The following CFAP91 variants were observed in gnomAD, a reference collection of about 807,000 sequenced individuals.
The protein encoded by CFAP91 is cilia and flagella associated protein 91.
CFAP91 carries 85 observed loss-of-function variants against 95.9 expected under a neutral mutation model. That is an observed-to-expected ratio of 0.89 (90% confidence interval 0.74 to 1.06). The LOEUF (loss-of-function observed/expected upper bound fraction) is 1.06. CFAP91 is among the 50% of genes least tolerant of loss of function. CFAP91 has a pLI of 0.00. For synonymous variants in CFAP91, 335 were observed against 327.5 expected (o/e 1.02, Z -0.25); for missense variants, 962 against 943.4 (o/e 1.02, Z -0.26).
rs764498790 is a variant in CFAP91, at chr3:119,737,450, C to T, written c.1429C>T (p.Leu477Phe). ...LQRNPIPQPRLPTPTLEMTSN... is the reference protein window; with the variant it reads ...LQRNPIPQPRFPTPTLEMTSN... ...AAGAAACCCAATACCTCAACCTCGG[C>T]TTCCAACTCCAACCTTGGAAATGAC... The change falls in exon 11 of 18, where the codon CTT becomes TTT. Residue 477 changes from leucine to phenylalanine, a missense_variant. Coordinates refer to ENST00000273390, the MANE Select transcript of CFAP91 (RefSeq NM_033364.4). 3 of 1,609,306 alleles carry T rather than the reference C, an allele frequency of 1.9e-6. No homozygotes were observed. The highest frequency in any genetic ancestry group is 1.7e-5 in the Admixed American group (1 of 59,126).
chr3:119,755,832 C>T (rs1282057560), intron 17 of CFAP91, among the ~76,000 whole-genome samples: 1 of 151,990 alleles, frequency 6.6e-6, no homozygotes, highest in East Asian at 1.9e-4. Flanking sequence ...AATACAGTAG[C>T]AAAAGTGAGA....
chr3:119,755,124 G>A (rs956063080), intron 17 of CFAP91, among the ~76,000 whole-genome samples: 10 of 152,142 alleles, frequency 6.6e-5, no homozygotes, highest in African/African-American at 2.4e-4. Context: ...CTCAGGACAA[G>A]TCATATCTTG....
intron 17 of CFAP91, among the ~76,000 whole-genome samples, chr3:119,762,242 C>T (rs1461997577): frequency 7.4e-6 from 1 of 135,140 alleles, no homozygotes; most frequent in Non-Finnish European, 1.5e-5. Flanking sequence ...ATAATAGCTA[C>T]AAGGAAAAAA....
At chr3:119,758,151 TCA>T (rs1406849638) in intron 17 of CFAP91, among the ~76,000 whole-genome samples, 2 of 152,314 alleles carry the variant, frequency 1.3e-5, no homozygotes, top group African/African-American at 4.8e-5. Flanking sequence ...TGGTAAAGTT[TCA>T]GTGTGACTTT....
chr3:119,707,402 A>G lies in CFAP91; in HGVS notation c.202-2A>G. The stretch of plus-strand genomic sequence containing the variant: ...TCCTTTGCCTCCCTTCTCTAACATT[A>G]GAGAAAAGTTCCCAGGTTTAAAACC... On this transcript the variant is annotated splice_acceptor_variant, in intron 2 of 17. Coordinates refer to ENST00000273390, the MANE Select transcript of CFAP91 (RefSeq NM_033364.4). LOFTEE classifies it high-confidence loss of function. The G allele has an allele frequency of 6.5e-7, 1 of 1,536,060 alleles. No individual in the cohort carries two copies. Among genetic ancestry groups the G allele is most frequent in the Non-Finnish European group, 8.8e-7 (1 of 1,130,442 alleles).
intron 6 of CFAP91, among the ~76,000 whole-genome samples, chr3:119,719,882 C>CCG (rs2053649064): frequency 6.6e-6 from 1 of 151,540 alleles, no homozygotes; most frequent in Non-Finnish European, 1.5e-5. Context: ...GCAGGCGGAT[C>CCG]ACTTGAGGTG....
intron 8 of CFAP91, 28 bp downstream of exon 8, chr3:119,730,405 CG>C (rs2053873294): frequency 1.2e-5 from 19 of 1,595,406 alleles, no homozygotes; most frequent in Non-Finnish European, 1.5e-5. Flanking sequence ...ACAATGAAGA[CG>C]GTGGAAAAGT....
chr3:119,729,481 C>G (rs1577219255), intron 7 of CFAP91, among the ~76,000 whole-genome samples: 1 of 151,508 alleles, frequency 6.6e-6, no homozygotes, highest in Non-Finnish European at 1.5e-5. Flanking sequence ...CCATCTCTAC[C>G]AAAACTACAA....
At chr3:119,753,891 C>T (rs1312086352) in intron 17 of CFAP91, among the ~76,000 whole-genome samples, 1 of 152,214 alleles carries the variant, frequency 6.6e-6, no homozygotes, top group Non-Finnish European at 1.5e-5. Context: ...TTTAAAATAA[C>T]TATGTTGACT....
chr3:119,718,533 A>G (rs1042280750), intron 6 of CFAP91, among the ~76,000 whole-genome samples: 10 of 152,170 alleles, frequency 6.6e-5, no homozygotes, highest in African/African-American at 2.4e-4. Context: ...CTAAAGAAAG[A>G]CATTAGCCTT....
chr3:119,734,469 T>TTCCCG (rs2053962960), intron 10 of CFAP91, among the ~76,000 whole-genome samples: 1 of 616 alleles, frequency 1.6e-3, no homozygotes, highest in Non-Finnish European at 0.026. Flanking sequence ...GTTACGGAAG[T>TTCCCG]TCTCTTCTTA....
chr3:119,741,487 A>G (rs1160557693), intron 13 of CFAP91, among the ~76,000 whole-genome samples: 1 of 152,228 alleles, frequency 6.6e-6, no homozygotes, highest in East Asian at 1.9e-4. Flanking sequence ...GACTTTCGTC[A>G]TGACCTCCCA....
At position 119,741,876 on chromosome 3, in the gene CFAP91, G is replaced by A. The variant is rs116840513; in HGVS notation, c.1680+1181G>A. ...GTTTGCTGAGCTTGGGGAACTTTTG[G>A]GGGGTGAGGCAGAATGGGGAGGAAG... On this transcript the variant is annotated intron_variant, in intron 13 of 17. Transcript: ENST00000273390. Among the ~76,000 whole-genome samples, 342 of 152,260 alleles carry A rather than the reference G, an allele frequency of 2.2e-3. 2 individuals carry two copies. Among genetic ancestry groups the A allele is most frequent in the African/African-American group, 7.3e-3 (302 of 41,536 alleles).
At chr3:119,732,164 C>T (rs1445559784) in intron 8 of CFAP91, 130 bp from the exon 9 acceptor site, 5 of 664,958 alleles carry the variant, frequency 7.5e-6, no homozygotes, top group Non-Finnish European at 1.2e-5. Context: ...TTCTGGCTGT[C>T]GTGAGTCATC....
intron 14 of CFAP91, among the ~76,000 whole-genome samples, chr3:119,745,461 T>C (rs1385572377): frequency 1.3e-5 from 2 of 152,206 alleles, no homozygotes; most frequent in African/African-American, 4.8e-5. Flanking sequence ...TAGCAAGACA[T>C]AGAGGAACAC....
At chr3:119,720,778 C>T (rs1559752271) in intron 6 of CFAP91, among the ~76,000 whole-genome samples, 1 of 152,112 alleles carries the variant, frequency 6.6e-6, no homozygotes, top group Admixed American at 6.6e-5. Flanking sequence ...TTTTTGGATG[C>T]GCAAGTCTCT....
chr3:119,764,004 A>G (rs569008272), intron 17 of CFAP91, among the ~76,000 whole-genome samples: 89 of 152,254 alleles, frequency 5.8e-4, no homozygotes, highest in African/African-American at 2.0e-3. Flanking sequence ...AATGAAAAGT[A>G]TATGAAGTAG....
intron 6 of CFAP91, among the ~76,000 whole-genome samples, chr3:119,724,821 T>G (rs1014530517): frequency 6.6e-6 from 1 of 152,184 alleles, no homozygotes; most frequent in African/African-American, 2.4e-5. Context: ...CTTGGCTCAC[T>G]GCAACCTCCG....
At chr3:119,720,914 T>G (rs1225747563) in intron 6 of CFAP91, among the ~76,000 whole-genome samples, 1 of 151,332 alleles carries the variant, frequency 6.6e-6, no homozygotes, top group African/African-American at 2.5e-5. Context: ...CTGTATTGTT[T>G]AGGGAATAAT....
Sources: allele counts gnomAD v4.1 joint callset (sites outside exome capture counted in the v4.1 genomes callset), GRCh38; gene constraint gnomAD v4.1.1; transcripts MANE v1.5; gene names NCBI Gene and HGNC (gene_info 2026-07-23, HGNC 2026-07-21).